The following TAS2R1 variants were observed in gnomAD, a reference collection of about 807,000 sequenced individuals.
The protein encoded by TAS2R1 is taste receptor type 2 member 1.
For synonymous variants in TAS2R1, 141 were observed against 134.2 expected (o/e 1.05, Z -0.35); for missense variants, 370 against 353.4 (o/e 1.05, Z -0.38).
At chr5:9,866,849 T>C in the TAS2R1 span, among the ~76,000 whole-genome samples, 1 of 152,270 alleles carries the variant, frequency 6.6e-6, no homozygotes, top group African/African-American at 2.4e-5. Context: ...TCCCTCTTTT[T>C]TCTGTATCTT....
the TAS2R1 span, among the ~76,000 whole-genome samples, chr5:9,863,991 G>T: frequency 6.6e-6 from 1 of 152,156 alleles, no homozygotes; most frequent in Non-Finnish European, 1.5e-5. Flanking sequence ...TAGAAAATAT[G>T]ACCTAGAGCT....
chr5:9,825,494 G>T, the TAS2R1 span, among the ~76,000 whole-genome samples: 3 of 152,188 alleles, frequency 2.0e-5, no homozygotes, highest in Non-Finnish European at 2.9e-5. Context: ...TACAATTCAA[G>T]ATGAGATTTG....
At chr5:9,647,703 A>G (rs1740219199) in intron 2 of TAS2R1, among the ~76,000 whole-genome samples, 1 of 152,354 alleles carries the variant, frequency 6.6e-6, no homozygotes, top group African/African-American at 2.4e-5. Context: ...TCTTGTATAC[A>G]TCAGACTTTC....
the TAS2R1 span, among the ~76,000 whole-genome samples, chr5:9,719,333 C>A: frequency 6.6e-6 from 1 of 152,164 alleles, no homozygotes; most frequent in African/African-American, 2.4e-5. Flanking sequence ...TGGGTAAAGA[C>A]TGTAAGGATG....
At chr5:9,770,415 A>G in the TAS2R1 span, among the ~76,000 whole-genome samples, 1 of 152,148 alleles carries the variant, frequency 6.6e-6, no homozygotes, top group Admixed American at 6.5e-5. Context: ...GTGGTTCCAT[A>G]TAAATTTTAG....
the TAS2R1 span, among the ~76,000 whole-genome samples, chr5:9,846,776 A>G: frequency 6.6e-6 from 1 of 152,220 alleles, no homozygotes; most frequent in East Asian, 1.9e-4. Context: ...CAAAATAACA[A>G]TATTTCAATA....
At chr5:9,651,826 T>C (rs1740310826) in intron 2 of TAS2R1, among the ~76,000 whole-genome samples, 1 of 152,088 alleles carries the variant, frequency 6.6e-6, no homozygotes, top group African/African-American at 2.4e-5. Flanking sequence ...CCCATTCCAC[T>C]TCAGTGCCAA....
intron 1 of TAS2R1, among the ~76,000 whole-genome samples, chr5:9,701,306 G>A (rs58235080): frequency 0.011 from 1,592 of 147,742 alleles, 32 homozygotes; most frequent in African/African-American, 0.038. Flanking sequence ...GTTTCTTCCC[G>A]GACCCCTCCT....
the TAS2R1 span, among the ~76,000 whole-genome samples, chr5:9,722,886 T>C: frequency 6.6e-6 from 1 of 152,216 alleles, no homozygotes; most frequent in South Asian, 2.1e-4. Flanking sequence ...GCTTTGCCCT[T>C]ACTGCTTACA....
chr5:9,839,977 C>G, the TAS2R1 span, among the ~76,000 whole-genome samples: 1 of 152,182 alleles, frequency 6.6e-6, no homozygotes, highest in Non-Finnish European at 1.5e-5. Context: ...CTTTCGTCCT[C>G]CCAGAAGGAT....
intron 1 of TAS2R1, among the ~76,000 whole-genome samples, chr5:9,673,606 T>C (rs1348188588): frequency 6.6e-6 from 1 of 151,172 alleles, no homozygotes; most frequent in Non-Finnish European, 1.5e-5. Context: ...TTTAAAATTA[T>C]ATATTTTATT....
In TAS2R1 at chr5:9,629,345, T is replaced by C; in HGVS notation, c.688A>G (p.Ile230Val). 1 of 1,613,910 alleles carries C rather than the reference T, an allele frequency of 6.2e-7. No homozygotes were observed. Among genetic ancestry groups the C allele is most frequent in the Non-Finnish European group, 8.5e-7 (1 of 1,179,908 alleles). ...AAGTAGAGGATCAGGAAGGACAGGA[T>C]AGACAGCAACGCGCTGATGGGTGCA... Reference protein sequence around the residue: ...RGAPISALLSILSFLILYFSH... With the variant: ...RGAPISALLSVLSFLILYFSH... The change falls in exon 1 of 1, where the codon ATC (isoleucine) becomes GTC (valine). Residue 230 changes from isoleucine to valine, a missense_variant. By Grantham distance (29) the Ile-to-Val change is conservative (BLOSUM62 3). Transcript: ENST00000382492.
At chr5:9,825,317 A>C in the TAS2R1 span, among the ~76,000 whole-genome samples, 2 of 152,192 alleles carry the variant, frequency 1.3e-5, no homozygotes, top group African/African-American at 4.8e-5. Context: ...GATGTCTTAC[A>C]TGGTGGCAGG....
chr5:9,850,797 T>C, the TAS2R1 span, among the ~76,000 whole-genome samples: 2 of 152,190 alleles, frequency 1.3e-5, no homozygotes, highest in Non-Finnish European at 2.9e-5. Context: ...CTCTCATACA[T>C]GGTATCAACC....
At chr5:9,665,540 C>G (rs1228502525) in intron 1 of TAS2R1, among the ~76,000 whole-genome samples, 5 of 152,174 alleles carry the variant, frequency 3.3e-5, no homozygotes, top group Non-Finnish European at 7.3e-5. Context: ...AGTCTTTGTA[C>G]CATGTCCTGC....
intron 1 of TAS2R1, among the ~76,000 whole-genome samples, chr5:9,691,705 T>G (rs1485377087): frequency 6.6e-6 from 1 of 152,236 alleles, no homozygotes; most frequent in East Asian, 1.9e-4. Context: ...GTGTTCCAGT[T>G]AAGGACAGGC....
chr5:9,766,220 T>A, the TAS2R1 span, among the ~76,000 whole-genome samples: 1 of 152,228 alleles, frequency 6.6e-6, no homozygotes, highest in South Asian at 2.1e-4. Context: ...ACCTAGATAA[T>A]CCTGAATCTG....
the TAS2R1 span, among the ~76,000 whole-genome samples, chr5:9,782,455 G>C: frequency 6.6e-6 from 1 of 151,782 alleles, no homozygotes; most frequent in African/African-American, 2.4e-5. Flanking sequence ...ATCCTGATGG[G>C]TGGGGCGGGG....
At chr5:9,703,780 C>T (rs977073298) in intron 1 of TAS2R1, among the ~76,000 whole-genome samples, 7 of 152,130 alleles carry the variant, frequency 4.6e-5, no homozygotes, top group African/African-American at 1.4e-4. Context: ...TGTCCTAGGT[C>T]AGTTGGAGTG....
Sources: allele counts gnomAD v4.1 joint callset (sites outside exome capture counted in the v4.1 genomes callset), GRCh38; gene constraint gnomAD v4.1.1; transcripts MANE v1.5; gene names NCBI Gene and HGNC (gene_info 2026-07-23, HGNC 2026-07-21).